Variants in FAM167A observed in about 807,000 individuals in gnomAD.
FAM167A encodes the protein protein FAM167A.
A neutral mutation model predicts 14.9 loss-of-function variants in FAM167A; 23 were observed. The ratio of observed to expected loss-of-function variants is 1.55; its 90% CI spans 1.11 to 2.19. The LOEUF (loss-of-function observed/expected upper bound fraction) is 2.19. Ranked by LOEUF, FAM167A falls within the 30% of genes most tolerant of loss-of-function variation. FAM167A has a pLI of 0.00. For missense variants in FAM167A, 401 were observed against 281.5 expected, an observed-to-expected ratio of 1.42 and a Z score of -3.04; for synonymous variants, 174 against 117.7, an observed-to-expected ratio of 1.48 and a Z score of -3.10.
chr8:11,473,639 A>G (rs1808031601), intron 1 of FAM167A, among the ~76,000 whole-genome samples: 1 of 152,120 alleles, frequency 6.6e-6, no homozygotes, highest in Admixed American at 6.5e-5. Flanking sequence ...TACGCAGTGC[A>G]GGGTGCGGTT....
At chr8:11,450,777 A>C (rs1221104244) in intron 1 of FAM167A, among the ~76,000 whole-genome samples, 2 of 152,232 alleles carry the variant, frequency 1.3e-5, no homozygotes, top group Non-Finnish European at 2.9e-5. Flanking sequence ...GGATGGGCTC[A>C]GAGAGGCAGA....
chr8:11,456,259 AGTGTAAGGGTTGGT>A (rs1175307427), intron 1 of FAM167A, among the ~76,000 whole-genome samples: 2 of 19,340 alleles, frequency 1.0e-4, no homozygotes, highest in African/African-American at 3.9e-4. Flanking sequence ...TGTGTGTGTG[AGTGTAAGGGTTGGT>A]TGCCTTGTGG....
chr8:11,429,509 C>T (rs1241415276), intron 2 of FAM167A, among the ~76,000 whole-genome samples: 1 of 152,204 alleles, frequency 6.6e-6, no homozygotes, highest in Non-Finnish European at 1.5e-5. Flanking sequence ...TGCAGCCGCA[C>T]ACGTTTGACA....
chr8:11,472,542 C>T (rs937845127), upstream of FAM167A, among the ~76,000 whole-genome samples: 4 of 147,168 alleles, frequency 2.7e-5, no homozygotes, highest in Non-Finnish European at 4.5e-5. Flanking sequence ...TGGGTTCTAG[C>T]GATTCTTGCA....
intron 2 of FAM167A, among the ~76,000 whole-genome samples, chr8:11,427,541 T>G (rs1228171915): frequency 6.6e-6 from 1 of 152,220 alleles, no homozygotes; most frequent in Non-Finnish European, 1.5e-5. Flanking sequence ...TGAGATGCCC[T>G]GTAGTTATGC....
chr8:11,466,891 G>T (rs1353434906), upstream of FAM167A: 1 of 152,176 alleles, frequency 6.6e-6, no homozygotes, highest in African/African-American at 2.4e-5. Context: ...GTCCGAGCGC[G>T]CCCCGGGTCC....
intron 1 of FAM167A, among the ~76,000 whole-genome samples, chr8:11,458,681 C>A (rs1807423732): frequency 6.6e-6 from 1 of 152,086 alleles, no homozygotes; most frequent in Non-Finnish European, 1.5e-5. Flanking sequence ...GTATTTTCAT[C>A]AGGAGCAGCT....
At chr8:11,452,977 G>C (rs964951125) in intron 1 of FAM167A, among the ~76,000 whole-genome samples, 1 of 152,108 alleles carries the variant, frequency 6.6e-6, no homozygotes, top group Admixed American at 6.5e-5. Context: ...GGAAAGCTGG[G>C]GTGATCTCCC....
At chr8:11,474,829 G>C (rs1797817211) in intron 1 of FAM167A, 1 of 152,624 alleles carries the variant, frequency 6.6e-6, no homozygotes, top group Admixed American at 6.6e-5. Context: ...AGGGGGTAAG[G>C]AGGAAGATGA....
chr8:11,424,088 G>T lies in FAM167A; in HGVS notation c.*285C>A, dbSNP rs1804957067. On this transcript the variant is annotated 3_prime_UTR_variant, in exon 3 of 3. Transcript: ENST00000284486. ...AACAGGAACGTGACCGTGGAGGGAT[G>T]GATTATGGTGGGAACCCAGGTCTCC... 2.6e-6 allele frequency: 1 copy of T among 380,938 alleles called. No homozygotes were observed. Among genetic ancestry groups the T allele is most frequent in the Non-Finnish European group, 4.8e-6 (1 of 207,980 alleles). 23.6% of individuals were successfully genotyped at this position (380,938 alleles called of 1,614,324 possible).
chr8:11,448,838 C>T (rs910888755), intron 1 of FAM167A, among the ~76,000 whole-genome samples: 18 of 152,250 alleles, frequency 1.2e-4, no homozygotes, highest in Non-Finnish European at 2.6e-4. Flanking sequence ...GGTCCCAGCA[C>T]TGCTGACAAG....
At chr8:11,465,489 G>C (rs924205790) in intron 1 of FAM167A, among the ~76,000 whole-genome samples, 1 of 152,196 alleles carries the variant, frequency 6.6e-6, no homozygotes, top group South Asian at 2.1e-4. Flanking sequence ...TCTAAGTAGT[G>C]CATGGTCCAT....
At position 11,422,374 on chromosome 8, in the gene FAM167A, GTGTGTGT is replaced by G. The variant is rs1369434513; in HGVS notation, c.*1992_*1998del. ...CTCTGTCGTGTGTGTGTGTGTGGGG[GTGTGTGT>G]GTGTGTGTGTGTGTGTGTGTGTGTA... On this transcript the variant is annotated 3_prime_UTR_variant, in exon 3 of 3. Transcript: ENST00000284486. 273 of 91,754 alleles carry G rather than the reference GTGTGTGT, an allele frequency of 3.0e-3. 1 individual carries two copies. The highest frequency in any genetic ancestry group is 0.01 in the Middle Eastern group (2 of 200). 5.7% of individuals were successfully genotyped at this position (91,754 alleles called of 1,614,324 possible).
At chr8:11,435,072 A>C (rs1007712555) in intron 2 of FAM167A, 1 of 456,694 alleles carries the variant, frequency 2.2e-6, no homozygotes. Flanking sequence ...GCTGATGGGC[A>C]GGTCTCCCTG....
intron 2 of FAM167A, among the ~76,000 whole-genome samples, chr8:11,441,183 C>T (rs191475092): frequency 6.6e-6 from 1 of 152,272 alleles, no homozygotes; most frequent in African/African-American, 2.4e-5. Flanking sequence ...TTCACTGAGG[C>T]CCATTCACCG....
intron 2 of FAM167A, among the ~76,000 whole-genome samples, chr8:11,428,842 G>C (rs1450591027): frequency 6.6e-6 from 1 of 152,120 alleles, no homozygotes; most frequent in East Asian, 1.9e-4. Context: ...CCCCGATTAG[G>C]AGGTCACTCT....
chr8:11,473,215 C>A (rs943659790), intron 1 of FAM167A, among the ~76,000 whole-genome samples: 4 of 152,218 alleles, frequency 2.6e-5, no homozygotes, highest in Non-Finnish European at 5.9e-5. Context: ...CTCATTTCAT[C>A]TCCATCGGCC....
At position 11,426,875 on chromosome 8, in the gene FAM167A, C is replaced by T. The variant is rs369180245; in HGVS notation, c.382-2239G>A. Among the ~76,000 whole-genome samples the T allele has an allele frequency of 5.9e-5, 9 of 152,252 alleles. No homozygotes were observed. In the East Asian group the frequency reaches 1.2e-3, roughly 20 times the overall value. ...TAGAAGATAACATAAACACAAGGCA[C>T]GTGAAGCAATCAGGTATGCATTCGT... On this transcript the variant is annotated intron_variant, in intron 2 of 2. Coordinates refer to ENST00000284486, the MANE Select transcript of FAM167A (RefSeq NM_053279.3).
intron 1 of FAM167A, among the ~76,000 whole-genome samples, chr8:11,447,731 G>A (rs753272789): frequency 6.6e-6 from 1 of 152,196 alleles, no homozygotes; most frequent in Non-Finnish European, 1.5e-5. Flanking sequence ...TGGAGAGTGT[G>A]GGCTCTGGGT....
Sources: allele counts gnomAD v4.1 joint callset (sites outside exome capture counted in the v4.1 genomes callset), GRCh38; gene constraint gnomAD v4.1.1; transcripts MANE v1.5; gene names NCBI Gene and HGNC (gene_info 2026-07-23, HGNC 2026-07-21).